The following MIPOL1 variants were observed in gnomAD, a reference collection of about 807,000 sequenced individuals.
MIPOL1 encodes the protein mirror-image polydactyly 1, also known as mirror-image polydactyly gene 1 protein.
In MIPOL1, 57 loss-of-function variants were observed where a neutral mutation model predicts 60.9. The ratio of observed to expected loss-of-function variants is 0.94; its 90% CI spans 0.76 to 1.17. The LOEUF (loss-of-function observed/expected upper bound fraction) is 1.17, where lower values mean the gene tolerates loss of function less well. Ranked by LOEUF, MIPOL1 falls within the 50% of genes most tolerant of loss-of-function variation. The pLI, the probability that MIPOL1 is intolerant of heterozygous loss-of-function variation, is 0.00. For synonymous variants in MIPOL1, 179 were observed against 168.8 expected, an observed-to-expected ratio of 1.06 and a Z score of -0.47; for missense variants, 551 against 511.6, an observed-to-expected ratio of 1.08 and a Z score of -0.74.
chr14:37,434,806 G>A (rs963844068), intron 11 of MIPOL1, among the ~76,000 whole-genome samples: 3 of 148,940 alleles, frequency 2.0e-5, no homozygotes, highest in South Asian at 2.1e-4. Flanking sequence ...TATAGAGGCC[G>A]TCTGTTGTGC....
chr14:37,325,097 G>A (rs2089005975), intron 9 of MIPOL1, among the ~76,000 whole-genome samples: 1 of 152,036 alleles, frequency 6.6e-6, no homozygotes, highest in South Asian at 2.1e-4. Context: ...TTGGCATTGT[G>A]TTGAATCTAT....
chr14:37,452,556 G>T (rs796690291), intron 11 of MIPOL1, among the ~76,000 whole-genome samples: 4 of 152,284 alleles, frequency 2.6e-5, no homozygotes, highest in African/African-American at 9.6e-5. Context: ...TGTCTTAATA[G>T]ATCCATTTCA....
intron 1 of MIPOL1, among the ~76,000 whole-genome samples, chr14:37,228,418 A>G (rs1970107409): frequency 6.7e-6 from 1 of 148,938 alleles, no homozygotes; most frequent in Non-Finnish European, 1.5e-5. Context: ...GGGGAACTGG[A>G]CACCTTCCTG....
chr14:37,551,282 A>G (rs1393147986), downstream of MIPOL1: 1 of 152,138 alleles, frequency 6.6e-6, no homozygotes, highest in Admixed American at 6.5e-5. Flanking sequence ...TGCAATTCTT[A>G]TACATCGATC....
At chr14:37,482,335 T>C (rs1247768221) in intron 11 of MIPOL1, among the ~76,000 whole-genome samples, 1 of 152,170 alleles carries the variant, frequency 6.6e-6, no homozygotes, top group East Asian at 1.9e-4. Context: ...GTTTAATTGC[T>C]AATTATAGGG....
At chr14:37,464,053 A>G (rs912933829) in intron 11 of MIPOL1, among the ~76,000 whole-genome samples, 3 of 152,226 alleles carry the variant, frequency 2.0e-5, no homozygotes, top group African/African-American at 2.4e-5. Flanking sequence ...TAAAACCACT[A>G]TAAGATACCA....
intron 12 of MIPOL1, among the ~76,000 whole-genome samples, chr14:37,522,373 C>A (rs2153631748): frequency 6.6e-6 from 1 of 152,194 alleles, no homozygotes; most frequent in Non-Finnish European, 1.5e-5. Flanking sequence ...AATATTTTTC[C>A]CATCGTGGAC....
At chr14:37,346,650 G>C (rs1365805881) in intron 9 of MIPOL1, among the ~76,000 whole-genome samples, 1 of 152,092 alleles carries the variant, frequency 6.6e-6, no homozygotes, top group African/African-American at 2.4e-5. Flanking sequence ...AAGAGCTATA[G>C]ACATACTGGG....
At chr14:37,385,309 GAAC>G (rs1279833220) in intron 10 of MIPOL1, among the ~76,000 whole-genome samples, 2 of 152,090 alleles carry the variant, frequency 1.3e-5, no homozygotes, top group African/African-American at 4.8e-5. Flanking sequence ...AGAGATTACA[GAAC>G]AACACTTTAA....
chr14:37,217,258 G>A (rs1228728412), intron 1 of MIPOL1, among the ~76,000 whole-genome samples: 2 of 152,090 alleles, frequency 1.3e-5, no homozygotes, highest in African/African-American at 4.8e-5. Context: ...ATAATAAAAA[G>A]TCTCCCAGTG....
chr14:37,336,452 A>G (rs1026988171), intron 9 of MIPOL1, among the ~76,000 whole-genome samples: 13 of 150,486 alleles, frequency 8.6e-5, no homozygotes, highest in Admixed American at 3.3e-4. Flanking sequence ...AGCTATGTCT[A>G]TTCCACTCAT....
At chr14:37,402,214 T>C (rs1490113040) in intron 10 of MIPOL1, among the ~76,000 whole-genome samples, 1 of 152,194 alleles carries the variant, frequency 6.6e-6, no homozygotes, top group Non-Finnish European at 1.5e-5. Flanking sequence ...GAAGACATCT[T>C]CCTGATTTTA....
chr14:37,343,931 G>C (rs533222336), intron 9 of MIPOL1, among the ~76,000 whole-genome samples: 1 of 152,074 alleles, frequency 6.6e-6, no homozygotes, highest in Admixed American at 6.6e-5. Context: ...GAATCCTTAT[G>C]GTATTTTCAG....
intron 9 of MIPOL1, among the ~76,000 whole-genome samples, chr14:37,336,187 G>A (rs969403175): frequency 1.4e-5 from 2 of 147,924 alleles, no homozygotes; most frequent in Non-Finnish European, 3.0e-5. Flanking sequence ...CTCATTAAAC[G>A]GTTTTGGTAC....
At chr14:37,444,659 A>C (rs545519375) in intron 11 of MIPOL1, among the ~76,000 whole-genome samples, 197 of 152,314 alleles carry the variant, frequency 1.3e-3, no homozygotes, top group Non-Finnish European at 1.9e-3. Flanking sequence ...TATTGGTGAA[A>C]GAGTAAATGT....
chr14:37,397,317 G>T (rs948052682), intron 10 of MIPOL1, among the ~76,000 whole-genome samples: 3 of 148,966 alleles, frequency 2.0e-5, no homozygotes, highest in African/African-American at 7.4e-5. Context: ...AGAGTCCTGT[G>T]ATGTGAACTG....
chr14:37,518,750 T>C (rs1373475353), intron 12 of MIPOL1, among the ~76,000 whole-genome samples: 3 of 152,152 alleles, frequency 2.0e-5, no homozygotes, highest in Non-Finnish European at 4.4e-5. Flanking sequence ...CATTAAAAAG[T>C]ACCAAGCTTC....
chr14:37,206,195 C>A (rs1438820042), intron 1 of MIPOL1, among the ~76,000 whole-genome samples: 1 of 152,104 alleles, frequency 6.6e-6, no homozygotes, highest in East Asian at 1.9e-4. Flanking sequence ...GTTTCATGGA[C>A]CAAGCTTAGG....
chr14:37,364,348 T>G (rs1204554373), intron 9 of MIPOL1, among the ~76,000 whole-genome samples: 3 of 152,232 alleles, frequency 2.0e-5, no homozygotes, highest in African/African-American at 7.2e-5. Flanking sequence ...TGTAGTAGTT[T>G]CATAATCTGG....
Sources: gnomAD v4.1 joint callset for allele counts (sites outside exome capture counted in the v4.1 genomes callset) on GRCh38, gnomAD v4.1.1 for gene constraint, MANE v1.5 for transcripts, NCBI Gene and HGNC (gene_info 2026-07-23, HGNC 2026-07-21) for gene names.